Variants in RNPEP observed in about 807,000 individuals in gnomAD.
The protein encoded by RNPEP is arginyl aminopeptidase.
Under a neutral mutation model 70.1 loss-of-function variants are expected in RNPEP, and 57 were observed. That is an observed-to-expected ratio of 0.81 (90% confidence interval 0.66 to 1.01). The LOEUF is 1.01. Among genes scored for constraint, RNPEP ranks in the 50% least tolerant of loss-of-function variants. RNPEP has a pLI of 0.00. For synonymous variants in RNPEP, 335 were observed against 357.4 expected (o/e 0.94, Z 0.71); for missense variants, 787 against 852.4 (o/e 0.92, Z 0.96).
chr1:201,992,904 T>G (rs1643990837), intron 3 of RNPEP, among the ~76,000 whole-genome samples: 1 of 152,202 alleles, frequency 6.6e-6, no homozygotes, highest in South Asian at 2.1e-4. Context: ...ATGTACAGTC[T>G]TCAACTGCAG....
In RNPEP at chr1:201,987,461, A is replaced by G. The variant is rs1431227289; in HGVS notation, c.448-1443A>G. ...TTTTTTTTTTTTTTTTTTTTGAGGCAGAGTCTCGCTCTGTCACCCAGGCTG... is the reference window on the plus strand; with the variant it reads ...TTTTTTTTTTTTTTTTTTTTGAGGCGGAGTCTCGCTCTGTCACCCAGGCTG... On this transcript the variant is annotated intron_variant, in intron 1 of 10. Coordinates refer to ENST00000295640, the MANE Select transcript of RNPEP (RefSeq NM_020216.4). Among the ~76,000 whole-genome samples the G allele has an allele frequency of 7.1e-5, 9 of 127,486 alleles. No homozygotes were observed. The East Asian group carries it at 2.1e-3, about 29-fold the overall frequency. The allele number at this position is 127,486 out of a possible 152,430, so 83.6% of individuals were successfully genotyped here. A position where few individuals can be genotyped will look rare whatever the true frequency, so the allele number is the denominator to read the frequency against.
chr1:201,995,686 A>G (rs984174238), intron 3 of RNPEP: 1 of 157,682 alleles, frequency 6.3e-6, no homozygotes, highest in Non-Finnish European at 1.4e-5. Context: ...TAAAAAAAAA[A>G]TAAAAAAGGT....
At chr1:201,984,322 C>A (rs1683049375) in intron 1 of RNPEP, among the ~76,000 whole-genome samples, 1 of 152,200 alleles carries the variant, frequency 6.6e-6, no homozygotes, top group African/African-American at 2.4e-5. Context: ...GGTGGGACAA[C>A]TTGCAGCAAA....
At position 201,983,068 on chromosome 1, in the gene RNPEP, G is replaced by A. The variant is rs1186835295; in HGVS notation, c.402G>A (p.Glu134=). The change falls in exon 1 of 11, where the codon GAG becomes GAA. Residue 134 remains glutamate, a synonymous_variant. Coordinates refer to ENST00000295640, the MANE Select transcript of RNPEP (RefSeq NM_020216.4). ...VSFPQPCRAA[E]RLQVLLTYRV... ...TCCCGCAGCCCTGCCGCGCCGCCGA[G>A]CGCCTCCAGGTGCTGCTCACCTACC... The A allele has an allele frequency of 1.3e-6, 2 of 1,526,298 alleles. No individual in the cohort carries two copies. The highest frequency in any genetic ancestry group is 1.2e-5 in the South Asian group (1 of 81,622). 94.5% of individuals were successfully genotyped at this position (1,526,298 alleles called of 1,614,324 possible). A position where few individuals can be genotyped will look rare whatever the true frequency, so the allele number is the denominator to read the frequency against.
intron 3 of RNPEP, among the ~76,000 whole-genome samples, chr1:201,990,432 C>T (rs1472907555): frequency 6.6e-6 from 1 of 152,162 alleles, no homozygotes; most frequent in Admixed American, 6.5e-5. Flanking sequence ...GAGGTTTGAC[C>T]AGGAGTATAG....
chr1:201,997,560 G>C lies in RNPEP; in HGVS notation c.1090+6G>C. ...GATCTCCACCATCCTCTTTGGTAAAGTGCCCACCCCTCTCCTAAGGAGTCT... is the reference window on the plus strand; with the variant it reads ...GATCTCCACCATCCTCTTTGGTAAACTGCCCACCCCTCTCCTAAGGAGTCT... On this transcript the variant is annotated splice_donor_region_variant and intron_variant, in intron 5 of 10. Coordinates refer to ENST00000295640, the MANE Select transcript of RNPEP (RefSeq NM_020216.4). 1 of 1,606,808 alleles carries C rather than the reference G, an allele frequency of 6.2e-7. No individual in the cohort carries two copies. Among genetic ancestry groups the C allele is most frequent in the Non-Finnish European group, 8.5e-7 (1 of 1,173,500 alleles).
At chr1:202,001,135 C>G in intron 6 of RNPEP, 1 of 509,164 alleles carries the variant, frequency 2.0e-6, no homozygotes, top group Non-Finnish European at 3.5e-6. Context: ...TTGAGAGAGG[C>G]CAATATCTGG....
intron 2 of RNPEP, 108 bp downstream of exon 2, chr1:201,989,152 A>T: frequency 7.0e-7 from 1 of 1,423,542 alleles, no homozygotes; most frequent in Non-Finnish European, 9.6e-7. Flanking sequence ...ATTCAGTGGT[A>T]CTTCTGAAAA....
intron 1 of RNPEP, among the ~76,000 whole-genome samples, chr1:201,988,444 C>T (rs557340927): frequency 4.9e-5 from 6 of 123,068 alleles, no homozygotes; most frequent in Admixed American, 2.0e-4. Flanking sequence ...GGCGACAGAG[C>T]GATACTCTGT....
intron 1 of RNPEP, among the ~76,000 whole-genome samples, chr1:201,984,846 T>TGC (rs1558258096): frequency 7.7e-6 from 1 of 129,146 alleles, no homozygotes. Context: ...TTTTTTTTTT[T>TGC]TTTTTTTTTT....
intron 3 of RNPEP, among the ~76,000 whole-genome samples, chr1:201,990,194 C>T (rs1275089556): frequency 6.6e-6 from 1 of 152,182 alleles, no homozygotes; most frequent in African/African-American, 2.4e-5. Flanking sequence ...GCCCTTCTAG[C>T]AGCTATATCC....
In RNPEP at chr1:201,982,975, G is replaced by A; in HGVS notation, c.309G>A (p.Pro103=). ...GGGAGCGGCCCGGCTCGGAGGAGCCGCCTGCGGAGCCCGTGAGCTTCTACA... is the reference window on the plus strand; with the variant it reads ...GGGAGCGGCCCGGCTCGGAGGAGCCACCTGCGGAGCCCGTGAGCTTCTACA... ...LRRERPGSEE[P]PAEPVSFYTQ... is the part of the protein sequence containing the mutation. The change falls in exon 1 of 11, where the codon CCG becomes CCA. Residue 103 remains proline (P), a synonymous_variant. Transcript: ENST00000295640. 2 of 1,509,208 alleles carry A rather than the reference G, an allele frequency of 1.3e-6. No individual in the cohort carries two copies. 93.5% of individuals were successfully genotyped at this position (1,509,208 alleles called of 1,614,324 possible).
chr1:201,988,886 GTTC>G lies in RNPEP; in HGVS notation c.448-12_448-10del, dbSNP rs560885942. On this transcript the variant is annotated splice_polypyrimidine_tract_variant and intron_variant, in intron 1 of 10. Coordinates refer to ENST00000295640, the MANE Select transcript of RNPEP (RefSeq NM_020216.4). ...GTGTGGGAGATGTCAGTTCTGAAAT[GTTC>G]TTCTTTTCGCTTAGGTTTGCTGGTT... 2.1e-5 allele frequency: 33 copies of G among 1,603,902 alleles called. No homozygotes were observed. The East Asian group carries it at 4.0e-4, about 20-fold the overall frequency.
At chr1:201,992,757 T>C (rs1423556578) in intron 3 of RNPEP, among the ~76,000 whole-genome samples, 2 of 152,174 alleles carry the variant, frequency 1.3e-5, no homozygotes, top group African/African-American at 2.4e-5. Flanking sequence ...CTTCTATAAG[T>C]GGGTATTTGG....
intron 1 of RNPEP, among the ~76,000 whole-genome samples, chr1:201,986,869 C>T (rs1194146815): frequency 6.6e-6 from 1 of 152,004 alleles, no homozygotes; most frequent in African/African-American, 2.4e-5. Context: ...GTATTGAGGG[C>T]GCATAGTATC....
chr1:201,982,882 C>T lies in RNPEP; in HGVS notation c.216C>T (p.Pro72=), dbSNP rs936502003. The T allele has an allele frequency of 4.3e-6, 6 of 1,409,590 alleles. No homozygotes were observed. The African/African-American group carries it at 6.1e-5, about 14-fold the overall frequency. 87.3% of individuals were successfully genotyped at this position (1,409,590 alleles called of 1,614,324 possible). Residue 72 remains proline, a synonymous_variant, in exon 1 of 11, where the codon CCC becomes CCT. Coordinates refer to ENST00000295640, the MANE Select transcript of RNPEP (RefSeq NM_020216.4). ...TCCTGGACCTGCGCTGCCTGGAGCCCGAGGGCGCCGCCGAGCTGCGGCTGG... is the reference window on the plus strand; with the variant it reads ...TCCTGGACCTGCGCTGCCTGGAGCCTGAGGGCGCCGCCGAGCTGCGGCTGG... ...TAVLDLRCLE[P]EGAAELRLDS...
At chr1:201,984,025 G>C (rs531919763) in intron 1 of RNPEP, 2 of 261,708 alleles carry the variant, frequency 7.6e-6, no homozygotes, top group African/African-American at 4.6e-5. Flanking sequence ...CTGCGTCGTG[G>C]GTTCGAGCGA....
At position 201,982,866 on chromosome 1, in the gene RNPEP, T is replaced by G. The variant is rs1235745584; in HGVS notation, c.200T>G (p.Leu67Arg). Residue 67 changes from leucine to arginine, a missense_variant, in exon 1 of 11, where the codon CTG (leucine) becomes CGG (arginine). Coordinates refer to ENST00000295640, the MANE Select transcript of RNPEP (RefSeq NM_020216.4). ...CTGAGCGGCACCGCGGTCCTGGACC[T>G]GCGCTGCCTGGAGCCCGAGGGCGCC... The part of the protein sequence containing the change: ...RGLSGTAVLD[L>R]RCLEPEGAAE... 16 of 1,389,880 alleles carry G rather than the reference T, an allele frequency of 1.2e-5. No individual in the cohort carries two copies. The highest frequency in any genetic ancestry group is 1.3e-5 in the Non-Finnish European group (14 of 1,077,352). The allele number at this position is 1,389,880 out of a possible 1,614,324, so 86.1% of individuals were successfully genotyped here. A position where few individuals can be genotyped will look rare whatever the true frequency, so the allele number is the denominator to read the frequency against.
At chr1:201,983,631 CTTTGTT>C (rs1683021836) in intron 1 of RNPEP, 1 of 1,204,250 alleles carries the variant, frequency 8.3e-7, no homozygotes, top group Admixed American at 3.9e-5. Flanking sequence ...AAGCTCTTAT[CTTTGTT>C]TTTGTTTCCT....
Sources: gnomAD v4.1 joint callset for allele counts (sites outside exome capture counted in the v4.1 genomes callset) on GRCh38, gnomAD v4.1.1 for gene constraint, MANE v1.5 for transcripts, NCBI Gene and HGNC (gene_info 2026-07-23, HGNC 2026-07-21) for gene names.